The following ACVR1B variants were observed in gnomAD, a reference collection of about 807,000 sequenced individuals.
ACVR1B encodes the protein activin A receptor type 1B, also known as activin receptor type-1B.
In ACVR1B, 15 loss-of-function variants were observed where a neutral mutation model predicts 55.6. The observed-to-expected ratio is 0.27, with a 90% CI of 0.18 to 0.42. The LOEUF is 0.42. Among genes scored for constraint, ACVR1B ranks in the 10% least tolerant of loss-of-function variants. The pLI is 1.00. For missense variants in ACVR1B, 359 were observed against 670.1 expected, an observed-to-expected ratio of 0.54 and a Z score of 5.13; for synonymous variants, 247 against 254.6, an observed-to-expected ratio of 0.97 and a Z score of 0.28.
In ACVR1B at chr12:51,995,909, TC is replaced by T. The variant is rs1315934106; in HGVS notation, c.*1800del. 1.3e-5 allele frequency: 2 copies of T among 152,708 alleles called. No individual in the cohort carries two copies. The highest frequency in any genetic ancestry group is 3.8e-4 in the East Asian group (2 of 5,198). 9.5% of individuals were successfully genotyped at this position (152,708 alleles called of 1,614,324 possible). On this transcript the variant is annotated 3_prime_UTR_variant, in exon 9 of 9. Coordinates refer to ENST00000257963, the MANE Select transcript of ACVR1B (RefSeq NM_004302.5). The stretch of plus-strand genomic sequence containing the variant: ...GGTTGTACCCTCTCCAGGCATTTAT[TC>T]AACAAATGTGGGTGAAGTGCCTGCT...
At position 51,994,321 on chromosome 12, in the gene ACVR1B, G is replaced by A; in HGVS notation, c.*211G>A. The A allele has an allele frequency of 1.8e-6, 1 of 568,926 alleles. No individual in the cohort carries two copies. The highest frequency in any genetic ancestry group is 3.0e-6 in the Non-Finnish European group (1 of 328,826). 35.2% of individuals were successfully genotyped at this position (568,926 alleles called of 1,614,324 possible). Reference sequence around the variant, plus strand: ...TTTTCTATTTACCTCCTAATGGCATGGAGACTCTGAGAGCGAATTGTGTGG... The same window carrying A: ...TTTTCTATTTACCTCCTAATGGCATAGAGACTCTGAGAGCGAATTGTGTGG... On this transcript the variant is annotated 3_prime_UTR_variant, in exon 9 of 9. Transcript: ENST00000257963. This position sits in a 1 kb window ranked among gnomAD's most constrained non-coding sequence, Gnocchi z 4.2.
At chr12:51,956,932 G>A in intron 1 of ACVR1B, among the ~76,000 whole-genome samples, 1 of 151,602 alleles carries the variant, frequency 6.6e-6, no homozygotes, top group East Asian at 1.9e-4. Context: ...GCTAATTTTT[G>A]TATTTATTTA....
rs2120616105 is a variant in ACVR1B, at chr12:51,976,581, A to G, written c.580+6A>G. 1.2e-6 allele frequency: 2 copies of G among 1,612,382 alleles called. No homozygotes were observed. The highest frequency in any genetic ancestry group is 1.7e-6 in the Non-Finnish European group (2 of 1,179,846). ...CACCTCAGGGTCTGGCTCAGGTACC[A>G]AGTTCTTCAGGGCATCATGTCTGTG... is the stretch of plus-strand genomic sequence containing the variant. On this transcript the variant is annotated splice_donor_region_variant and intron_variant, in intron 3 of 8. Coordinates refer to ENST00000257963, the MANE Select transcript of ACVR1B (RefSeq NM_004302.5).
chr12:51,992,050 A>T, intron 8 of ACVR1B, 57 bp downstream of exon 8: 1 of 1,613,112 alleles, frequency 6.2e-7, no homozygotes, highest in Non-Finnish European at 8.5e-7. Flanking sequence ...ACCTTAGAAA[A>T]GGGTTTCTTG....
chr12:51,951,773 C>G lies in ACVR1B; in HGVS notation c.30C>G (p.Phe10Leu). The G allele has an allele frequency of 7.7e-7, 1 of 1,294,364 alleles. No homozygotes were observed. The highest frequency in any genetic ancestry group is 3.4e-5 in the South Asian group (1 of 29,672). The allele number at this position is 1,294,364 out of a possible 1,614,324, so 80.2% of individuals were successfully genotyped here. Residue 10 changes from phenylalanine to leucine, a missense_variant, in exon 1 of 9, where the codon TTC becomes TTG. This residue lies in a region of ACVR1B where 48 missense variants were observed against 40.6 expected (regional missense o/e 1.18). Transcript: ENST00000257963. The stretch of plus-strand genomic sequence containing the variant: ...CGGAGTCGGCCGGAGCCTCCTCCTT[C>G]TTCCCCCTTGTTGTCCTCCTGCTCG... MAESAGASS[F>L]FPLVVLLLAG...
intron 7 of ACVR1B, 26 bp downstream of exon 7, chr12:51,986,968 C>A (rs776179957): frequency 6.2e-7 from 1 of 1,614,214 alleles, no homozygotes; most frequent in East Asian, 2.2e-5. Context: ...GCCTTTGCTC[C>A]TACCTCCCAT....
At chr12:51,988,163 G>A (rs982727510) in intron 7 of ACVR1B, among the ~76,000 whole-genome samples, 1 of 152,154 alleles carries the variant, frequency 6.6e-6, no homozygotes, top group African/African-American at 2.4e-5. Context: ...ATTTTGATCA[G>A]TATATGCAGT....
At chr12:51,978,697 G>A (rs1369521359) in intron 3 of ACVR1B, among the ~76,000 whole-genome samples, 3 of 10,820 alleles carry the variant, frequency 2.8e-4, no homozygotes, top group Non-Finnish European at 4.5e-4. Context: ...CGGGCGTGGT[G>A]GCGGCGCCTG....
intron 1 of ACVR1B, among the ~76,000 whole-genome samples, chr12:51,963,189 A>G (rs1351663901): frequency 6.6e-6 from 1 of 152,134 alleles, no homozygotes; most frequent in Non-Finnish European, 1.5e-5. Context: ...GTACCTTCAT[A>G]ATGTGCAAAC....
At chr12:51,954,654 G>A (rs1366539901) in intron 1 of ACVR1B, among the ~76,000 whole-genome samples, 3 of 152,192 alleles carry the variant, frequency 2.0e-5, no homozygotes, top group Non-Finnish European at 4.4e-5. Context: ...GGAGGAGGCT[G>A]GTTTTCAGCC....
intron 1 of ACVR1B, among the ~76,000 whole-genome samples, chr12:51,961,542 A>G (rs1055828592): frequency 2.0e-5 from 3 of 151,766 alleles, no homozygotes. Context: ...TGATCTCTCA[A>G]CCTCATTAGT....
chr12:51,991,150 A>G (rs1330522884), intron 7 of ACVR1B, among the ~76,000 whole-genome samples: 2 of 152,112 alleles, frequency 1.3e-5, no homozygotes, highest in African/African-American at 2.4e-5. Flanking sequence ...CTTATTTACC[A>G]TTTTTCAAAA....
At chr12:51,982,588 T>G (rs968721346) in intron 4 of ACVR1B, 22 of 1,330,948 alleles carry the variant, frequency 1.7e-5, no homozygotes, top group Non-Finnish European at 2.1e-5. Flanking sequence ...CTCTAGCAGT[T>G]GTGACATGAC....
rs1226339647 is a variant in ACVR1B at position 51,995,403 on chromosome 12, G to C, written c.*1293G>C. On this transcript the variant is annotated 3_prime_UTR_variant, in exon 9 of 9. Transcript: ENST00000257963. ...TGAGAGGTTTGCATCCACTTCAGGA[G>C]CCCTACTGAAGGGAACAGCCTGAGC... 6.6e-6 allele frequency: 1 copy of C among 152,468 alleles called. No individual in the cohort carries two copies. The highest frequency in any genetic ancestry group is 1.5e-5 in the Non-Finnish European group (1 of 68,066). The allele number at this position is 152,468 out of a possible 1,614,324, so 9.4% of individuals were successfully genotyped here.
intron 1 of ACVR1B, among the ~76,000 whole-genome samples, chr12:51,969,630 A>G (rs1941707852): frequency 1.3e-5 from 2 of 152,216 alleles, no homozygotes; most frequent in Admixed American, 6.5e-5. Context: ...GAATAAAGAG[A>G]AAGACTTGAT....
intron 5 of ACVR1B, among the ~76,000 whole-genome samples, chr12:51,984,553 G>A (rs191818375): frequency 2.0e-5 from 3 of 152,312 alleles, no homozygotes; most frequent in Admixed American, 1.3e-4. Context: ...TCATTGATGG[G>A]GACAGCTGGC....
At chr12:51,956,772 T>G (rs1448793624) in intron 1 of ACVR1B, among the ~76,000 whole-genome samples, 1 of 152,112 alleles carries the variant, frequency 6.6e-6, no homozygotes, top group Admixed American at 6.5e-5. Context: ...TTTTTTTTTC[T>G]TTTTTTGAGA....
intron 1 of ACVR1B, among the ~76,000 whole-genome samples, chr12:51,964,647 G>C (rs1941605363): frequency 6.6e-6 from 1 of 152,174 alleles, no homozygotes. Context: ...TGCACATGGT[G>C]TTAGGTAAGG....
chr12:51,969,720 T>A (rs1941710184), intron 1 of ACVR1B, among the ~76,000 whole-genome samples: 1 of 152,214 alleles, frequency 6.6e-6, no homozygotes, highest in Non-Finnish European at 1.5e-5. Flanking sequence ...ATTTACACTG[T>A]GTATAAAGAA....
Sources: gnomAD v4.1 joint callset for allele counts (sites outside exome capture counted in the v4.1 genomes callset) on GRCh38, gnomAD v4.1.1 for gene constraint, gnomAD v4.1.1 regional missense constraint, Gnocchi (gnomAD v3.1) non-coding constraint, MANE v1.5 for transcripts, NCBI Gene and HGNC (gene_info 2026-07-23, HGNC 2026-07-21) for gene names.